The following CNOT4 variants were observed in gnomAD, a reference collection of about 807,000 sequenced individuals.
CNOT4 encodes the protein CCR4-NOT transcription complex subunit 4, also known as CCR4-associated factor 4.
CNOT4 carries 8 observed loss-of-function variants against 73.8 expected under a neutral mutation model. The observed-to-expected ratio is 0.11, with a 90% CI of 0.06 to 0.20. The LOEUF is 0.20. Among genes scored for constraint, CNOT4 ranks in the 10% least tolerant of loss-of-function variants. The pLI is 1.00. For synonymous variants in CNOT4, 293 were observed against 321.1 expected, an observed-to-expected ratio of 0.91 and a Z score of 0.94; for missense variants, 564 against 883.4, an observed-to-expected ratio of 0.64 and a Z score of 4.58.
intron 1 of CNOT4, among the ~76,000 whole-genome samples, chr7:135,473,709 T>C (rs1379047735): frequency 6.6e-6 from 1 of 152,134 alleles, no homozygotes; most frequent in Non-Finnish European, 1.5e-5. Context: ...ATCATGCCAC[T>C]GCACTCCAGC....
chr7:135,373,090 C>T (rs1466753790), intron 10 of CNOT4, among the ~76,000 whole-genome samples: 1 of 152,046 alleles, frequency 6.6e-6, no homozygotes, highest in African/African-American at 2.4e-5. Flanking sequence ...GCAAAGAAAG[C>T]TTAGAAAAGA....
Position 135,402,306 on chromosome 7 carries a change from C to T in CNOT4, c.822-4080G>A, listed in dbSNP as rs531498158. ...TGTATTTTTAGTAGAGGTGGGGTTT[C>T]GCCATGTTGGCCAGGATGGTCTTAA... On this transcript the variant is annotated intron_variant, in intron 7 of 11. Transcript: ENST00000541284. Among the ~76,000 whole-genome samples, 11 of 152,022 alleles carry T rather than the reference C, an allele frequency of 7.2e-5. No individual in the cohort carries two copies. The East Asian group carries it at 1.9e-3, about 27-fold the overall frequency.
intron 2 of CNOT4, among the ~76,000 whole-genome samples, chr7:135,429,982 C>T (rs956390641): frequency 6.6e-6 from 1 of 152,082 alleles, no homozygotes; most frequent in Non-Finnish European, 1.5e-5. Flanking sequence ...TGGAGTTAGT[C>T]CAAAAAGAAT....
At chr7:135,454,647 A>T (rs1363595268) in intron 1 of CNOT4, among the ~76,000 whole-genome samples, 1 of 151,800 alleles carries the variant, frequency 6.6e-6, no homozygotes, top group East Asian at 1.9e-4. Context: ...GTCTCAAAAA[A>T]ATAAAATAAA....
At chr7:135,482,792 C>T (rs1416739796) in intron 1 of CNOT4, among the ~76,000 whole-genome samples, 2 of 150,734 alleles carry the variant, frequency 1.3e-5, no homozygotes, top group Non-Finnish European at 3.0e-5. Context: ...ACCAGCCTGG[C>T]CAACGTGGTG....
chr7:135,438,696 C>T (rs927112310), intron 1 of CNOT4, among the ~76,000 whole-genome samples: 3 of 152,208 alleles, frequency 2.0e-5, no homozygotes, highest in African/African-American at 4.8e-5. Flanking sequence ...CATCATAACA[C>T]ATTTTAGGGG....
In CNOT4 at chr7:135,363,022, C is replaced by T. The variant is rs1340647021; in HGVS notation, c.2005G>A (p.Ala669Thr). ...PFSTQIPLHRASWNPYPPPSN... is the reference protein window; with the variant it reads ...PFSTQIPLHRTSWNPYPPPSN... ...GGAGGAGGGTAGGGATTCCAACTGGCTCTGTGCAGCGGGATCTGTGTGCTG... is the reference window on the plus strand; with the variant it reads ...GGAGGAGGGTAGGGATTCCAACTGGTTCTGTGCAGCGGGATCTGTGTGCTG... Residue 669 changes from alanine to threonine, a missense_variant, in exon 12 of 12, where the codon GCC becomes ACC. Physicochemically the swap from Ala to Thr is moderately conservative, Grantham distance 58. This residue lies in a region of CNOT4 where 88 missense variants were observed against 94.7 expected (regional missense o/e 0.93). Coordinates refer to ENST00000541284, the MANE Select transcript of CNOT4 (RefSeq NM_001190850.2). The surrounding 1 kb of genome is among the most constrained non-coding windows in gnomAD (Gnocchi z 4.3). The T allele has an allele frequency of 1.9e-6, 3 of 1,613,150 alleles. No individual in the cohort carries two copies. The highest frequency in any genetic ancestry group is 2.5e-6 in the Non-Finnish European group (3 of 1,179,834).
chr7:135,381,480 T>A (rs1349553808), intron 10 of CNOT4, among the ~76,000 whole-genome samples: 1 of 152,202 alleles, frequency 6.6e-6, no homozygotes. Flanking sequence ...CTCCTTGCAC[T>A]GCCCCCCACT....
At chr7:135,468,594 T>C (rs1207753940) in intron 1 of CNOT4, among the ~76,000 whole-genome samples, 4 of 150,706 alleles carry the variant, frequency 2.7e-5, no homozygotes, top group Non-Finnish European at 5.9e-5. Flanking sequence ...GACATGAGAA[T>C]CGCTTGAACT....
Position 135,395,776 on chromosome 7 carries a change from T to C in CNOT4, c.987A>G (p.Ala329=). 6.2e-7 allele frequency: 1 copy of C among 1,614,086 alleles called. No individual in the cohort carries two copies. Among genetic ancestry groups the C allele is most frequent in the Non-Finnish European group, 8.5e-7 (1 of 1,179,956 alleles). The part of the protein sequence containing the change: ...NHSARSPFEG[A]VTESQSLFSD... ...AGAATAACGACTGTGACTCTGTTAC[T>C]GCCCCTTCAAAAGGGGACCGTGCAC... The change falls in exon 9 of 12, where the codon GCA becomes GCG. Residue 329 remains alanine, a synonymous_variant. Transcript: ENST00000541284.
intron 3 of CNOT4, among the ~76,000 whole-genome samples, chr7:135,418,127 C>A (rs971793080): frequency 1.3e-5 from 2 of 152,186 alleles, no homozygotes; most frequent in African/African-American, 2.4e-5. Flanking sequence ...AAGAATTACA[C>A]GGATTTGTAA....
At chr7:135,444,730 A>G in intron 1 of CNOT4, 1 of 1,367,124 alleles carries the variant, frequency 7.3e-7, no homozygotes, top group South Asian at 1.2e-5. Flanking sequence ...GCGATGGGCT[A>G]TTCCCTGGCT....
At chr7:135,498,113 T>C (rs1328882018) in intron 1 of CNOT4, among the ~76,000 whole-genome samples, 2 of 152,164 alleles carry the variant, frequency 1.3e-5, no homozygotes, top group South Asian at 2.1e-4. Context: ...GTCTCACAGA[T>C]AGTAAGTAAG....
At chr7:135,410,474 A>C (rs755678703) in intron 7 of CNOT4, 41 bp downstream of exon 7, 13 of 1,280,230 alleles carry the variant, frequency 1.0e-5, no homozygotes, top group Middle Eastern at 2.3e-4. Flanking sequence ...AGATCAACTG[A>C]TAAGAAGGTA....
At position 135,424,040 on chromosome 7, in the gene CNOT4, A is replaced by AACACAC. The variant is rs3138785; in HGVS notation, c.175-1693_175-1688dup. 1.2e-3 allele frequency among the ~76,000 whole-genome samples: 168 copies of AACACAC among 144,292 alleles called. 1 individual carries two copies. Among genetic ancestry groups the AACACAC allele is most frequent in the Middle Eastern group, 3.5e-3 (1 of 282 alleles). The allele number at this position is 144,292 out of a possible 152,430, so 94.7% of individuals were successfully genotyped here. A position where few individuals can be genotyped will look rare whatever the true frequency, so the allele number is the denominator to read the frequency against. On this transcript the variant is annotated intron_variant, in intron 2 of 11. Coordinates refer to ENST00000541284, the MANE Select transcript of CNOT4 (RefSeq NM_001190850.2). ...GCCACCAAAACAAACAAACAAACAA[A>AACACAC]ACACACACACACACACACACACACA...
intron 3 of CNOT4, among the ~76,000 whole-genome samples, chr7:135,421,576 G>A (rs1032137491): frequency 6.6e-6 from 1 of 152,220 alleles, no homozygotes; most frequent in South Asian, 2.1e-4. Flanking sequence ...TAAGAAACAA[G>A]GTTAAGCTCT....
intron 2 of CNOT4, among the ~76,000 whole-genome samples, chr7:135,424,091 ATT>A (rs1798360615): frequency 7.1e-6 from 1 of 140,068 alleles, no homozygotes; most frequent in Non-Finnish European, 1.6e-5. Flanking sequence ...ACACACACAC[ATT>A]TTTTATTAAA....
chr7:135,471,346 G>A (rs1269153259), intron 1 of CNOT4, among the ~76,000 whole-genome samples: 1 of 151,594 alleles, frequency 6.6e-6, no homozygotes, highest in African/African-American at 2.4e-5. Flanking sequence ...ATACTTTTAA[G>A]AAACTTAAGA....
intron 10 of CNOT4, chr7:135,384,799 T>G (rs1357453155): frequency 1.3e-6 from 1 of 744,826 alleles, no homozygotes; most frequent in African/African-American, 1.7e-5. Flanking sequence ...ACCACCCATC[T>G]AGTTAGCATC....
Sources: allele counts gnomAD v4.1 joint callset (sites outside exome capture counted in the v4.1 genomes callset), GRCh38; gene constraint gnomAD v4.1.1; regional missense constraint gnomAD v4.1.1; non-coding constraint Gnocchi (gnomAD v3.1); transcripts MANE v1.5; gene names NCBI Gene and HGNC (gene_info 2026-07-23, HGNC 2026-07-21).